Variants in CDH18 observed in about 807,000 individuals in gnomAD.
CDH18 encodes the protein cadherin 18, also known as cadherin-18.
Under a neutral mutation model 67.9 loss-of-function variants are expected in CDH18, and 31 were observed. That is an observed-to-expected ratio of 0.46 (90% confidence interval 0.34 to 0.62). The LOEUF is 0.62. CDH18 is among the 20% of genes least tolerant of loss of function. The probability of loss-of-function intolerance (pLI) is 0.01; values close to 1 mark genes in which losing one functional copy is unlikely to be tolerated. For missense variants in CDH18, 890 were observed against 975.5 expected (o/e 0.91, Z 1.17); for synonymous variants, 362 against 347.2 (o/e 1.04, Z -0.48).
intron 2 of CDH18, among the ~76,000 whole-genome samples, chr5:20,199,842 C>T (rs1036726578): frequency 1.4e-4 from 22 of 152,106 alleles, no homozygotes; most frequent in African/African-American, 3.9e-4. Context: ...CGAGATCTGA[C>T]GGTTTAATAA....
In CDH18 at chr5:19,517,061, T is replaced by C. The variant is rs141734847; in HGVS notation, c.1512+3596A>G. On this transcript the variant is annotated intron_variant, in intron 10 of 12. Transcript: ENST00000382275. ...AATTTTTTATGAAACTGTCAAAATA[T>C]GTTTCCCAGTAGCAGTACCATTTTA... Among the ~76,000 whole-genome samples the C allele has an allele frequency of 8.5e-5, 13 of 152,236 alleles. No homozygotes were observed. In the East Asian group the frequency reaches 2.5e-3, roughly 29 times the overall value.
At chr5:20,433,406 A>C (rs115318693) in intron 1 of CDH18, among the ~76,000 whole-genome samples, 6 of 152,146 alleles carry the variant, frequency 3.9e-5, no homozygotes, top group African/African-American at 1.2e-4. Flanking sequence ...TATTGTCTCA[A>C]GTTTCCTCTT....
intron 1 of CDH18, among the ~76,000 whole-genome samples, chr5:20,367,277 C>G (rs1490106752): frequency 6.6e-6 from 1 of 152,164 alleles, no homozygotes; most frequent in Non-Finnish European, 1.5e-5. Context: ...TACTAATGAC[C>G]TTGGGTTTAA....
chr5:20,100,573 A>G (rs930874172), intron 2 of CDH18, among the ~76,000 whole-genome samples: 3 of 152,076 alleles, frequency 2.0e-5, no homozygotes, highest in African/African-American at 7.2e-5. Context: ...TTTTATTACA[A>G]TTTTTTTACA....
chr5:19,474,508 CATAA>C (rs1025206103), intron 12 of CDH18, among the ~76,000 whole-genome samples: 3 of 151,918 alleles, frequency 2.0e-5, no homozygotes, highest in African/African-American at 2.4e-5. Context: ...AGCAGTAGGA[CATAA>C]ATAACTTCCA....
intron 2 of CDH18, among the ~76,000 whole-genome samples, chr5:19,899,989 G>A (rs1789762938): frequency 6.6e-6 from 1 of 152,130 alleles, no homozygotes; most frequent in South Asian, 2.1e-4. Context: ...TACGCAAGAT[G>A]AGTACATTCT....
chr5:20,421,282 A>C (rs572635267), intron 1 of CDH18, among the ~76,000 whole-genome samples: 1 of 151,212 alleles, frequency 6.6e-6, no homozygotes, highest in South Asian at 2.1e-4. Flanking sequence ...GCTTTCCCAG[A>C]AACCCCCAAC....
intron 2 of CDH18, among the ~76,000 whole-genome samples, chr5:20,167,441 A>G (rs183321332): frequency 6.6e-6 from 1 of 152,112 alleles, no homozygotes; most frequent in Non-Finnish European, 1.5e-5. Context: ...GAGAGCTCTC[A>G]GTCCCATCTA....
chr5:20,245,186 T>A (rs540225991), intron 2 of CDH18, among the ~76,000 whole-genome samples: 1 of 152,232 alleles, frequency 6.6e-6, no homozygotes, highest in African/African-American at 2.4e-5. Context: ...TATTTTACCT[T>A]CATACAAAAC....
At chr5:19,973,147 A>C (rs1798185627) in intron 2 of CDH18, among the ~76,000 whole-genome samples, 1 of 152,134 alleles carries the variant, frequency 6.6e-6, no homozygotes, top group African/African-American at 2.4e-5. Flanking sequence ...CTTTTAACAA[A>C]AGTAATGTTA....
chr5:19,948,911 G>C (rs760978605), intron 2 of CDH18, among the ~76,000 whole-genome samples: 1 of 152,140 alleles, frequency 6.6e-6, no homozygotes, highest in Admixed American at 6.6e-5. Flanking sequence ...AGGAAAGCTA[G>C]TGTATTAGGA....
chr5:20,064,032 T>TA (rs1742751106), intron 2 of CDH18, among the ~76,000 whole-genome samples: 3 of 152,210 alleles, frequency 2.0e-5, no homozygotes, highest in Non-Finnish European at 4.4e-5. Context: ...TTGTTCCTTA[T>TA]GTTGTATTGT....
intron 2 of CDH18, among the ~76,000 whole-genome samples, chr5:20,101,163 T>C (rs77840426): frequency 0.021 from 3,261 of 152,130 alleles, 134 homozygotes; most frequent in African/African-American, 0.073. Context: ...GGTCTCACTA[T>C]ATTGCCCAGG....
At chr5:19,603,262 G>C (rs752583752) in intron 6 of CDH18, among the ~76,000 whole-genome samples, 24 of 152,106 alleles carry the variant, frequency 1.6e-4, no homozygotes, top group Non-Finnish European at 3.5e-4. Flanking sequence ...GCCAGGCACA[G>C]AAAGACAAAT....
chr5:20,032,437 A>G (rs1258472919), intron 2 of CDH18, among the ~76,000 whole-genome samples: 2 of 152,002 alleles, frequency 1.3e-5, no homozygotes, highest in Non-Finnish European at 2.9e-5. Flanking sequence ...AGCAAAAATC[A>G]TCCCAGCTGA....
chr5:19,709,210 G>A (rs1764377606), intron 5 of CDH18, among the ~76,000 whole-genome samples: 1 of 152,072 alleles, frequency 6.6e-6, no homozygotes, highest in African/African-American at 2.4e-5. Context: ...TGGAGGAAAG[G>A]GTTTGGGGAA....
intron 2 of CDH18, among the ~76,000 whole-genome samples, chr5:19,881,782 A>T (rs1374838704): frequency 6.6e-6 from 1 of 152,090 alleles, no homozygotes; most frequent in African/African-American, 2.4e-5. Flanking sequence ...CTGGGGTTAC[A>T]GGCATGAGCC....
chr5:20,040,691 C>G (rs1740342338), intron 2 of CDH18, among the ~76,000 whole-genome samples: 1 of 152,054 alleles, frequency 6.6e-6, no homozygotes, highest in African/African-American at 2.4e-5. Context: ...TTAGAGTTAT[C>G]TAAATGGGAT....
At chr5:19,962,947 T>C (rs904483334) in intron 2 of CDH18, among the ~76,000 whole-genome samples, 7 of 152,132 alleles carry the variant, frequency 4.6e-5, no homozygotes, top group East Asian at 1.9e-4. Flanking sequence ...TTGAGACTCA[T>C]TGACACTATA....
Sources: gnomAD v4.1 joint callset for allele counts (sites outside exome capture counted in the v4.1 genomes callset) on GRCh38, gnomAD v4.1.1 for gene constraint, MANE v1.5 for transcripts, NCBI Gene and HGNC (gene_info 2026-07-23, HGNC 2026-07-21) for gene names.